GNAS: variants seen among roughly 807,000 people sequenced by gnomAD.
GNAS encodes the protein protein ALEX.
A neutral mutation model predicts 54.5 loss-of-function variants in GNAS; 8 were observed. That is an observed-to-expected ratio of 0.15 (90% CI 0.09 to 0.26). The LOEUF (loss-of-function observed/expected upper bound fraction) is 0.26, where lower values mean the gene tolerates loss of function less well. GNAS is among the 10% of genes least tolerant of loss of function. GNAS has a pLI of 1.00. For synonymous variants in GNAS, 204 were observed against 191.4 expected, an observed-to-expected ratio of 1.07 and a Z score of -0.54; for missense variants, 170 against 529.8, an observed-to-expected ratio of 0.32 and a Z score of 6.67.
At chr20:58,878,797 C>G (rs77441487) in intron 1 of GNAS, among the ~76,000 whole-genome samples, 9,641 of 151,938 alleles carry the variant, frequency 0.063, 627 homozygotes, top group African/African-American at 0.16. Flanking sequence ...GCAGTTCTGT[C>G]TGGAAGGAGG....
intron 1 of GNAS, among the ~76,000 whole-genome samples, chr20:58,886,039 A>G (rs2088567745): frequency 6.6e-6 from 1 of 152,376 alleles, no homozygotes; most frequent in East Asian, 1.9e-4. Context: ...GAGTGACAGC[A>G]TTAAGCAGAA....
chr20:58,900,380 A>G (rs1434424474), intron 3 of GNAS: 2 of 219,192 alleles, frequency 9.1e-6, no homozygotes, highest in Non-Finnish European at 9.1e-6. Context: ...AACATTCGTG[A>G]TAAATAAAAA....
upstream of GNAS, chr20:58,889,033 G>A (rs926731740): frequency 1.0e-6 from 1 of 990,630 alleles, no homozygotes; most frequent in Middle Eastern, 5.2e-4. Flanking sequence ...CAGGGTGCGC[G>A]GCGGCCCATT....
At chr20:58,901,806 C>A (rs868823341) in intron 3 of GNAS, among the ~76,000 whole-genome samples, 4 of 149,302 alleles carry the variant, frequency 2.7e-5, no homozygotes, top group Non-Finnish European at 5.9e-5. Flanking sequence ...GAAGGCCTGT[C>A]GACAGGCCCG....
At chr20:58,883,081 T>C (rs2088349923) in intron 1 of GNAS, 2 of 152,164 alleles carry the variant, frequency 1.3e-5, no homozygotes, top group Non-Finnish European at 2.9e-5. Flanking sequence ...TTTATGTAAA[T>C]GGCCCCCAAA....
At chr20:58,880,799 G>A (rs1262015777) in intron 1 of GNAS, among the ~76,000 whole-genome samples, 1 of 150,562 alleles carries the variant, frequency 6.6e-6, no homozygotes, top group East Asian at 1.9e-4. Flanking sequence ...GGCATCAATT[G>A]TAGAAACTAA....
At chr20:58,900,060 T>C in intron 3 of GNAS, 1 of 625,008 alleles carries the variant, frequency 1.6e-6, no homozygotes, top group Non-Finnish European at 3.0e-6. Context: ...AGAATACTAT[T>C]CTGTTATCTG....
chr20:58,851,203 T>C (rs2086157790), intron 1 of GNAS, among the ~76,000 whole-genome samples: 1 of 152,220 alleles, frequency 6.6e-6, no homozygotes. Flanking sequence ...AGGGTCCAAC[T>C]GTGTTCGCCT....
upstream of GNAS, chr20:58,888,274 T>C (rs544326091): frequency 2.0e-5 from 3 of 152,194 alleles, no homozygotes; most frequent in East Asian, 5.8e-4. Flanking sequence ...CCTGGCCGCC[T>C]CGGCTCACCT....
intron 6 of GNAS, among the ~76,000 whole-genome samples, chr20:58,907,619 T>C (rs2091163872): frequency 6.6e-6 from 1 of 152,186 alleles, no homozygotes; most frequent in Admixed American, 6.5e-5. Flanking sequence ...CTCTCTCAAA[T>C]CATTTAGAAG....
chr20:58,878,167 C>A (rs1013631540), intron 1 of GNAS, among the ~76,000 whole-genome samples: 1 of 152,314 alleles, frequency 6.6e-6, no homozygotes, highest in South Asian at 2.1e-4. Context: ...CTTGTCTGGG[C>A]TGCTTTTGTG....
Position 58,853,988 on chromosome 20 carries a change from G to A in GNAS, c.43+13102G>A, listed in dbSNP as rs369666847. On this transcript the variant is annotated intron_variant, in intron 1 of 12. Coordinates refer to the GNAS transcript ENST00000306090. The surrounding 1 kb of genome is among the most constrained non-coding windows in gnomAD (Gnocchi z 4.4). ...TTGGGGACGACAGCCCACCCCCGGG[G>A]CTTTCCCGAGTTATCGCACAAGTCG... is the stretch of plus-strand genomic sequence containing the variant. The A allele has an allele frequency of 2.5e-6, 4 of 1,611,916 alleles. No homozygotes were observed. Among genetic ancestry groups the A allele is most frequent in the Non-Finnish European group, 3.4e-6 (4 of 1,179,756 alleles).
rs767574680 is a variant in GNAS, at chr20:58,873,577, C to G, written c.44-22035C>G. On this transcript the variant is annotated intron_variant, in intron 1 of 12. Transcript: ENST00000306090. This position sits in a 1 kb window ranked among gnomAD's most constrained non-coding sequence, Gnocchi z 4.3. ...TGGTTAACTTGAAGGTCGAAATAGC[C>G]TTACTCCTTTTTGTCTGTCTAGTAG... Among the ~76,000 whole-genome samples, 9 of 152,264 alleles carry G rather than the reference C, an allele frequency of 5.9e-5. No individual in the cohort carries two copies. Among genetic ancestry groups the G allele is most frequent in the Middle Eastern group, 3.4e-3 (1 of 294 alleles).
intron 1 of GNAS, among the ~76,000 whole-genome samples, chr20:58,893,937 C>G (rs903502741): frequency 6.6e-6 from 1 of 152,226 alleles, no homozygotes; most frequent in African/African-American, 2.4e-5. Flanking sequence ...ATCTAAGTGT[C>G]CTAGTCTATA....
chr20:58,854,177 C>T lies in GNAS; in HGVS notation c.43+13291C>T, dbSNP rs1323824452. 1.9e-6 allele frequency: 3 copies of T among 1,612,940 alleles called. No homozygotes were observed. In the South Asian group the frequency reaches 3.3e-5, roughly 18 times the overall value. On this transcript the variant is annotated intron_variant, in intron 1 of 12. Transcript: ENST00000306090. Reference sequence around the variant, plus strand: ...CGGGCAGCAGCCCCTGGATGGAGATCTCCGGACCCCCGTTCGAGATTGGCA... The same window carrying T: ...CGGGCAGCAGCCCCTGGATGGAGATTTCCGGACCCCCGTTCGAGATTGGCA...
At chr20:58,861,723 G>C (rs2086791100) in intron 1 of GNAS, among the ~76,000 whole-genome samples, 1 of 152,078 alleles carries the variant, frequency 6.6e-6, no homozygotes, top group Admixed American at 6.5e-5. Context: ...TTTTTTTATT[G>C]AGACGGAGTT....
intron 1 of GNAS, chr20:58,848,892 G>A (rs890324700): frequency 1.5e-5 from 6 of 398,464 alleles, no homozygotes; most frequent in African/African-American, 1.0e-4. Flanking sequence ...AAGGACTTAG[G>A]TTTTTCAGAG....
At chr20:58,855,594 G>T in intron 1 of GNAS, 1 of 717,534 alleles carries the variant, frequency 1.4e-6, no homozygotes, top group Non-Finnish European at 2.6e-6. Flanking sequence ...GTCGTTTCCG[G>T]CTGGACAGGC....
chr20:58,903,065 A>G (rs1256122071), intron 3 of GNAS: 1 of 321,674 alleles, frequency 3.1e-6, no homozygotes, highest in Non-Finnish European at 6.1e-6. Flanking sequence ...AAACACCACC[A>G]CCTGTGCTCA....
Sources: gnomAD v4.1 joint callset for allele counts (sites outside exome capture counted in the v4.1 genomes callset) on GRCh38, gnomAD v4.1.1 for gene constraint, Gnocchi (gnomAD v3.1) non-coding constraint, MANE v1.5 for transcripts, NCBI Gene and HGNC (gene_info 2026-07-23, HGNC 2026-07-21) for gene names.